Variants in GPATCH8 observed in about 807,000 individuals in gnomAD.
The protein encoded by GPATCH8 is G-patch domain containing 8, also known as G patch domain-containing protein 8.
In GPATCH8, 18 loss-of-function variants were observed where a neutral mutation model predicts 118.3. That is an observed-to-expected ratio of 0.15 (90% CI 0.11 to 0.23). The LOEUF (loss-of-function observed/expected upper bound fraction) is 0.23. GPATCH8 is among the 10% of genes least tolerant of loss of function. The pLI, the probability that GPATCH8 is intolerant of heterozygous loss-of-function variation, is 1.00. For synonymous variants in GPATCH8, 659 were observed against 684.7 expected, an observed-to-expected ratio of 0.96 and a Z score of 0.59; for missense variants, 1,631 against 1,873.8, an observed-to-expected ratio of 0.87 and a Z score of 2.39.
chr17:44,445,306 T>A (rs1433534781), intron 3 of GPATCH8, among the ~76,000 whole-genome samples: 3 of 152,136 alleles, frequency 2.0e-5, no homozygotes, highest in African/African-American at 7.2e-5. Context: ...TCAGCCCCCA[T>A]AATAATGGTG....
chr17:44,401,073 T>C lies in GPATCH8; in HGVS notation c.1004A>G (p.Asp335Gly). Residue 335 changes from aspartate to glycine, a missense_variant, in exon 8 of 8, where the codon GAT (aspartate) becomes GGT (glycine). Coordinates refer to ENST00000591680, the MANE Select transcript of GPATCH8 (RefSeq NM_001002909.4). ...EGTSEDGTKP[D>G]EKSSDQGLQK... ...CAGTCCTTGGTCAGAACTCTTCTCATCGGGTTTTGTTCCATCTTCAGAGGT... is the reference window on the plus strand; with the variant it reads ...CAGTCCTTGGTCAGAACTCTTCTCACCGGGTTTTGTTCCATCTTCAGAGGT... 6.2e-7 allele frequency: 1 copy of C among 1,614,210 alleles called. No homozygotes were observed. Among genetic ancestry groups the C allele is most frequent in the Non-Finnish European group, 8.5e-7 (1 of 1,180,014 alleles).
At chr17:44,502,113 C>T (rs1020136975) in intron 1 of GPATCH8, among the ~76,000 whole-genome samples, 1 of 152,180 alleles carries the variant, frequency 6.6e-6, no homozygotes, top group African/African-American at 2.4e-5. Context: ...TGCTGCAAAA[C>T]TTCTCATAAG....
intron 1 of GPATCH8, among the ~76,000 whole-genome samples, chr17:44,483,825 T>TTGTTGTTGTTG (rs1968547393): frequency 1.3e-5 from 2 of 149,112 alleles, no homozygotes; most frequent in Non-Finnish European, 3.0e-5. Flanking sequence ...TTTGGTTGTT[T>TTGTTGTTGTTG]TTGTTGTTGT....
At chr17:44,446,420 G>C (rs1347644014) in intron 3 of GPATCH8, among the ~76,000 whole-genome samples, 2 of 152,134 alleles carry the variant, frequency 1.3e-5, no homozygotes, top group Admixed American at 6.6e-5. Flanking sequence ...CAAAAAATTA[G>C]CCAGGCGTGT....
intron 5 of GPATCH8, among the ~76,000 whole-genome samples, chr17:44,433,562 A>C (rs1160122468): frequency 1.3e-5 from 2 of 152,232 alleles, no homozygotes; most frequent in African/African-American, 4.8e-5. Context: ...ATTAGGGAAG[A>C]TCTATAATGA....
chr17:44,482,522 C>T lies in GPATCH8; in HGVS notation c.46-7619G>A, dbSNP rs148465756. On this transcript the variant is annotated intron_variant, in intron 1 of 7. Transcript: ENST00000591680. ...GCAGGAGGCGGAGGCTGCAGTGAGC[C>T]GAGATCACACCACTGCACTTCAGCC... 5.5e-5 allele frequency among the ~76,000 whole-genome samples: 8 copies of T among 146,414 alleles called. No homozygotes were observed. In the South Asian group the frequency reaches 1.3e-3, roughly 24 times the overall value.
Position 44,449,047 on chromosome 17 carries a change from G to A in GPATCH8, c.194-12502C>T, listed in dbSNP as rs148614366. 6.3e-3 allele frequency among the ~76,000 whole-genome samples: 954 copies of A among 152,232 alleles called. 2 individuals are homozygous for A. The highest frequency in any genetic ancestry group is 0.021 in the African/African-American group (889 of 41,550). ...TCCCAGCACTTTGGGAGGTTGAGGC[G>A]GGTGGATGACCTTAGGTTAGGAGTT... On this transcript the variant is annotated intron_variant, in intron 3 of 7. Coordinates refer to ENST00000591680, the MANE Select transcript of GPATCH8 (RefSeq NM_001002909.4).
chr17:44,439,783 CTTT>C (rs200851468), intron 3 of GPATCH8, among the ~76,000 whole-genome samples: 2 of 140,530 alleles, frequency 1.4e-5, no homozygotes, highest in Non-Finnish European at 3.1e-5. Context: ...GAAAACTCAA[CTTT>C]TTTTTTTTTT....
intron 2 of GPATCH8, among the ~76,000 whole-genome samples, chr17:44,466,880 T>A (rs2051787328): frequency 6.6e-6 from 1 of 152,134 alleles, no homozygotes; most frequent in African/African-American, 2.4e-5. Context: ...GATTTAGGCA[T>A]TAAACAATGC....
chr17:44,424,942 A>G (rs182061999), intron 5 of GPATCH8, among the ~76,000 whole-genome samples: 38 of 152,292 alleles, frequency 2.5e-4, no homozygotes, highest in Admixed American at 2.1e-3. Context: ...TGGAAAGCCA[A>G]CCCACAGATA....
rs554150407 is a variant in GPATCH8, at chr17:44,461,492, C to T, written c.193+2980G>A. ...AGCCACTGCACCCGGCTATGTTATC[C>T]GTTTTTTAACAATTAAAAAGAAAAA... On this transcript the variant is annotated intron_variant, in intron 3 of 7. Coordinates refer to ENST00000591680, the MANE Select transcript of GPATCH8 (RefSeq NM_001002909.4). 7.2e-5 allele frequency among the ~76,000 whole-genome samples: 11 copies of T among 151,996 alleles called. No individual in the cohort carries two copies. In the South Asian group the frequency reaches 1.2e-3, roughly 17 times the overall value.
chr17:44,414,318 C>T, intron 6 of GPATCH8, among the ~76,000 whole-genome samples: 1 of 151,706 alleles, frequency 6.6e-6, no homozygotes, highest in Non-Finnish European at 1.5e-5. Context: ...CCCCACCCCC[C>T]TTTTTTGGAG....
Position 44,397,281 on chromosome 17 carries a change from G to C in GPATCH8, c.*287C>G, listed in dbSNP as rs1409836002. ...GGGGATTATCTAAACTTGACAGTTT[G>C]GAGATGTTGCTGCAGAGGGGTGGGT... On this transcript the variant is annotated 3_prime_UTR_variant, in exon 8 of 8. Transcript: ENST00000591680. 1 of 597,836 alleles carries C rather than the reference G, an allele frequency of 1.7e-6. No homozygotes were observed. 37.0% of individuals were successfully genotyped at this position (597,836 alleles called of 1,614,324 possible). A position where few individuals can be genotyped will look rare whatever the true frequency, so the allele number is the denominator to read the frequency against.
chr17:44,446,305 G>A (rs1237378491), intron 3 of GPATCH8, among the ~76,000 whole-genome samples: 1 of 151,892 alleles, frequency 6.6e-6, no homozygotes, highest in Non-Finnish European at 1.5e-5. Context: ...AGTGGCTCAC[G>A]CCTGTAATCC....
At position 44,411,920 on chromosome 17, in the gene GPATCH8, G is replaced by A. The variant is rs142400272; in HGVS notation, c.493-5869C>T. ...CCAGTCTGGGCAACACAGCAAGACT[G>A]TGTCTATAAAAAAAAAATTGAGATG... On this transcript the variant is annotated intron_variant, in intron 6 of 7. Coordinates refer to ENST00000591680, the MANE Select transcript of GPATCH8 (RefSeq NM_001002909.4). Among the ~76,000 whole-genome samples the A allele has an allele frequency of 9.2e-5, 14 of 152,196 alleles. No individual in the cohort carries two copies. In the East Asian group the frequency reaches 2.5e-3, roughly 27 times the overall value.
At chr17:44,474,929 T>C (rs779439360) in intron 1 of GPATCH8, 26 bp from the exon 2 acceptor site, 24 of 1,179,182 alleles carry the variant, frequency 2.0e-5, no homozygotes, top group Non-Finnish European at 2.9e-5. Flanking sequence ...TACAGTTATT[T>C]TTCAAAAGCA....
At chr17:44,463,729 A>G (rs1197832902) in intron 3 of GPATCH8, among the ~76,000 whole-genome samples, 1 of 152,228 alleles carries the variant, frequency 6.6e-6, no homozygotes, top group African/African-American at 2.4e-5. Flanking sequence ...GCAAAGAACA[A>G]ACAGTAGCTC....
intron 5 of GPATCH8, among the ~76,000 whole-genome samples, chr17:44,426,880 T>TCA (rs1491421975): frequency 2.0e-5 from 3 of 150,772 alleles, no homozygotes; most frequent in Non-Finnish European, 4.4e-5. Context: ...TCTCTCTCTC[T>TCA]CACACTCTCT....
At chr17:44,439,090 G>C (rs1341751414) in intron 3 of GPATCH8, among the ~76,000 whole-genome samples, 1 of 152,140 alleles carries the variant, frequency 6.6e-6, no homozygotes. Context: ...GACTCTATCA[G>C]ATCAACTAAC....
Sources: gnomAD v4.1 joint callset for allele counts (sites outside exome capture counted in the v4.1 genomes callset) on GRCh38, gnomAD v4.1.1 for gene constraint, MANE v1.5 for transcripts, NCBI Gene and HGNC (gene_info 2026-07-23, HGNC 2026-07-21) for gene names.